Variants in PFKL observed in about 807,000 individuals in gnomAD.
PFKL encodes the protein ATP-dependent 6-phosphofructokinase, liver type.
PFKL carries 74 observed loss-of-function variants against 92.1 expected under a neutral mutation model. The observed-to-expected ratio is 0.80, with a 90% confidence interval of 0.67 to 0.97. The LOEUF is 0.97. Among genes scored for constraint, PFKL ranks in the 50% least tolerant of loss-of-function variants. The pLI is 0.00. For missense variants in PFKL, 1,028 were observed against 1,116.6 expected (o/e 0.92, Z 1.13); for synonymous variants, 494 against 456.4 (o/e 1.08, Z -1.05).
intron 2 of PFKL, among the ~76,000 whole-genome samples, chr21:44,309,154 CATTTTGG>C (rs2041041641): frequency 1.3e-5 from 2 of 152,138 alleles, no homozygotes; most frequent in South Asian, 4.1e-4. Flanking sequence ...CATCAGACTG[CATTTTGG>C]GTTTCTGAGC....
chr21:44,325,706 GC>G (rs1352021705), intron 19 of PFKL: 5 of 551,720 alleles, frequency 9.1e-6, no homozygotes, highest in Admixed American at 3.1e-5. Flanking sequence ...CCGATGCAGG[GC>G]CCAGGAGTCA....
chr21:44,300,114 G>C lies in PFKL; in HGVS notation c.9G>C (p.Ala3=). The C allele has an allele frequency of 1.7e-6, 2 of 1,170,502 alleles. No individual in the cohort carries two copies. The highest frequency in any genetic ancestry group is 2.1e-6 in the Non-Finnish European group (2 of 933,996). 72.5% of individuals were successfully genotyped at this position (1,170,502 alleles called of 1,614,324 possible). ...GTGTTTCGGCCGCCGCCATGGCCGCGGTGGACCTGGAGAAGCTGCGGGCGT... is the reference window on the plus strand; with the variant it reads ...GTGTTTCGGCCGCCGCCATGGCCGCCGTGGACCTGGAGAAGCTGCGGGCGT... MA[A]VDLEKLRASG... Residue 3 remains alanine, a synonymous_variant, in exon 1 of 22, where the codon GCG becomes GCC. Coordinates refer to ENST00000349048, the MANE Select transcript of PFKL (RefSeq NM_002626.6).
rs528228505 is a variant in PFKL, at chr21:44,326,751, G to C, written c.2232G>C (p.Leu744=). 1.2e-6 allele frequency: 2 copies of C among 1,611,282 alleles called. No homozygotes were observed. Among genetic ancestry groups the C allele is most frequent in the East Asian group, 4.5e-5 (2 of 44,854 alleles). Residue 744 remains leucine, a synonymous_variant, in exon 22 of 22, where the codon CTG becomes CTC. Transcript: ENST00000349048. ...CACGGGAGCAGTGGTGGCTGAGCCT[G>C]CGGCTCATGCTGAAGATGCTGGCAC... ...RMPREQWWLS[L]RLMLKMLAQY... is the part of the protein sequence containing the mutation.
Position 44,326,164 on chromosome 21 carries a change from G to A in PFKL, c.2095G>A (p.Val699Met), listed in dbSNP as rs2047502563. 4 of 1,612,512 alleles carry A rather than the reference G, an allele frequency of 2.5e-6. No individual in the cohort carries two copies. Among genetic ancestry groups the A allele is most frequent in the Non-Finnish European group, 3.4e-6 (4 of 1,179,510 alleles). The stretch of plus-strand genomic sequence containing the variant: ...CCACGTGCCTCTGTTTGCAGGACGG[G>A]TGTTCGCCAATGCCCCAGACTCGGC... ...KLREVYRKGRVFANAPDSACV... is the reference protein window; with the variant it reads ...KLREVYRKGRMFANAPDSACV... Residue 699 changes from valine (V) to methionine (M), a missense_variant, in exon 21 of 22, where the codon GTG (valine) becomes ATG (methionine). Transcript: ENST00000349048.
intron 1 of PFKL, chr21:44,305,507 G>A (rs2040909203): frequency 1.8e-6 from 2 of 1,135,786 alleles, no homozygotes; most frequent in African/African-American, 3.2e-5. Context: ...GACCCGCATG[G>A]CTTAGGGATG....
chr21:44,306,616 T>TTGG, intron 1 of PFKL, 65 bp from the exon 2 acceptor site: 6 of 1,393,400 alleles, frequency 4.3e-6, no homozygotes, highest in Non-Finnish European at 6.0e-6. Context: ...TCCTCTGAGA[T>TTGG]GGGGAGGGTG....
Position 44,307,594 on chromosome 21 carries a change from G to A in PFKL, c.159+840G>A, listed in dbSNP as rs529566434. Among the ~76,000 whole-genome samples the A allele has an allele frequency of 2.6e-5, 4 of 152,310 alleles. No homozygotes were observed. The East Asian group carries it at 5.8e-4, about 22-fold the overall frequency. ...CACTGCTCGCTGCTGACCACTCACC[G>A]CCCTGGGTCTCAGTTCCCCCATCTT... is the stretch of plus-strand genomic sequence containing the variant. On this transcript the variant is annotated intron_variant, in intron 2 of 21. Transcript: ENST00000349048.
intron 7 of PFKL, chr21:44,315,906 C>T: frequency 8.3e-6 from 3 of 362,574 alleles, no homozygotes; most frequent in South Asian, 5.3e-5. Flanking sequence ...TGTGCGTCTT[C>T]CCGCCTGGAA....
Position 44,324,629 on chromosome 21 carries a change from G to A in PFKL, c.1789G>A (p.Asp597Asn). ...VGADAAYVFEDPFNIHDLKVN... is the reference protein window; with the variant it reads ...VGADAAYVFENPFNIHDLKVN... ...GGCCGACGCCGCCTACGTCTTCGAG[G>A]ACCCTTTCAACATCCACGACTTAAA... Residue 597 changes from aspartate to asparagine, a missense_variant, in exon 17 of 22, where the codon GAC (aspartate) becomes AAC (asparagine). By Grantham distance (23) the Asp-to-Asn change is conservative. Coordinates refer to ENST00000349048, the MANE Select transcript of PFKL (RefSeq NM_002626.6). The A allele has an allele frequency of 6.2e-7, 1 of 1,604,284 alleles. No homozygotes were observed. Among genetic ancestry groups the A allele is most frequent in the Non-Finnish European group, 8.5e-7 (1 of 1,174,706 alleles).
At chr21:44,317,596 C>T (rs1381807842) in intron 9 of PFKL, among the ~76,000 whole-genome samples, 3 of 152,172 alleles carry the variant, frequency 2.0e-5, no homozygotes, top group South Asian at 2.1e-4. Flanking sequence ...TGCCTGATGC[C>T]GGGTGTGAAA....
chr21:44,305,540 G>A, intron 1 of PFKL: 1 of 942,230 alleles, frequency 1.1e-6, no homozygotes, highest in Non-Finnish European at 1.5e-6. Flanking sequence ...TGGGTGCTGG[G>A]AGGGAGGCAG....
intron 12 of PFKL, chr21:44,321,291 C>T (rs540164938): frequency 3.8e-5 from 6 of 157,268 alleles, no homozygotes; most frequent in African/African-American, 1.4e-4. Flanking sequence ...TAACTGTAGT[C>T]CTGATGGGAC....
chr21:44,316,408 C>A (rs774534232), intron 8 of PFKL, 24 bp from the exon 9 acceptor site: 14 of 1,612,242 alleles, frequency 8.7e-6, no homozygotes, highest in Non-Finnish European at 7.6e-6. Flanking sequence ...GGGCTCAGGG[C>A]TGGTCCTTCC....
chr21:44,324,376 G>A (rs1214850482), intron 16 of PFKL, 115 bp from the exon 17 acceptor site: 8 of 1,038,430 alleles, frequency 7.7e-6, no homozygotes, highest in African/African-American at 1.6e-5. Context: ...CTGTCTGGGT[G>A]CGTCAGCCCC....
At chr21:44,303,666 T>C (rs1283755574) in intron 1 of PFKL, among the ~76,000 whole-genome samples, 1 of 152,160 alleles carries the variant, frequency 6.6e-6, no homozygotes, top group Non-Finnish European at 1.5e-5. Flanking sequence ...GCCTCCTGTT[T>C]GGAGCCTTCA....
chr21:44,322,029 A>G, intron 13 of PFKL, 104 bp from the exon 14 acceptor site: 2 of 1,458,728 alleles, frequency 1.4e-6, no homozygotes, highest in Non-Finnish European at 1.9e-6. Flanking sequence ...CTCTGCCTGC[A>G]GCGTGATGCC....
intron 1 of PFKL, among the ~76,000 whole-genome samples, chr21:44,301,025 CCAGCCAGCA>C (rs2040760526): frequency 6.6e-6 from 1 of 152,164 alleles, no homozygotes; most frequent in African/African-American, 2.4e-5. Context: ...GGGAAGGGGC[CCAGCCAGCA>C]CCCCAAGGCT....
chr21:44,321,805 G>A lies in PFKL; in HGVS notation c.1268G>A (p.Arg423Gln), dbSNP rs138123944. The change falls in exon 13 of 22, where the codon CGG becomes CAG. Residue 423 changes from arginine (R) to glutamine (Q), a missense_variant. By Grantham distance (43) the Arg-to-Gln change is conservative (BLOSUM62 1). Coordinates refer to ENST00000349048, the MANE Select transcript of PFKL (RefSeq NM_002626.6). ...AATGCGGCCGTGCGCTCGGCGGTGCGGACCGGCATCTCCCATGGACACACA... is the reference window on the plus strand; with the variant it reads ...AATGCGGCCGTGCGCTCGGCGGTGCAGACCGGCATCTCCCATGGACACACA... ...GMNAAVRSAV[R>Q]TGISHGHTVY... 3.7e-6 allele frequency: 6 copies of A among 1,602,484 alleles called. No homozygotes were observed. The highest frequency in any genetic ancestry group is 2.3e-5 in the East Asian group (1 of 44,364).
chr21:44,313,286 T>TG, intron 5 of PFKL, 143 bp downstream of exon 5: 1 of 953,840 alleles, frequency 1.0e-6, no homozygotes, highest in Non-Finnish European at 1.6e-6. Context: ...AGCCCCCAGC[T>TG]GGGGGAACGC....
Sources: allele counts gnomAD v4.1 joint callset (sites outside exome capture counted in the v4.1 genomes callset), GRCh38; gene constraint gnomAD v4.1.1; transcripts MANE v1.5; gene names NCBI Gene and HGNC (gene_info 2026-07-23, HGNC 2026-07-21).